PROM1: variants seen among roughly 807,000 people sequenced by gnomAD.
PROM1 encodes prominin-1.
In PROM1, 105 loss-of-function variants were observed where a neutral mutation model predicts 116.9. That is an observed-to-expected ratio of 0.90 (90% CI 0.77 to 1.06). The LOEUF (loss-of-function observed/expected upper bound fraction) is 1.06. Among genes scored for constraint, PROM1 ranks in the 50% least tolerant of loss-of-function variants. PROM1 has a pLI of 0.00. For missense variants in PROM1, 1,122 were observed against 1,045.2 expected, an observed-to-expected ratio of 1.07 and a Z score of -1.01; for synonymous variants, 393 against 387.0, an observed-to-expected ratio of 1.02 and a Z score of -0.18.
At chr4:15,989,184 T>TA (rs1720299657) in intron 19 of PROM1, among the ~76,000 whole-genome samples, 1 of 152,040 alleles carries the variant, frequency 6.6e-6, no homozygotes, top group Non-Finnish European at 1.5e-5. Context: ...GAAGCAGAAT[T>TA]TAAAACCAGG....
intron 2 of PROM1, among the ~76,000 whole-genome samples, chr4:16,056,045 G>C (rs1738924677): frequency 6.6e-6 from 1 of 152,130 alleles, no homozygotes; most frequent in East Asian, 1.9e-4. Context: ...AGAGATTTGA[G>C]AAGAGAAGAG....
rs1238581487 is a variant in PROM1, at chr4:16,009,048, G to A, written c.1202C>T (p.Pro401Leu). Residue 401 changes from proline (P) to leucine (L), a missense_variant, in exon 12 of 28, where the codon CCT (proline) becomes CTT (leucine). Physicochemically the swap from Pro to Leu is moderately conservative, Grantham distance 98. Transcript: ENST00000447510. Reference sequence around the variant, plus strand: ...GAATGCTGAGAGTATATCCTGAATAGGAAGACGCTGAGTTACATTGTCGAT... The same window carrying A: ...GAATGCTGAGAGTATATCCTGAATAAGAAGACGCTGAGTTACATTGTCGAT... ...SDIDNVTQRLPIQDILSAFSV... is the reference protein window; with the variant it reads ...SDIDNVTQRLLIQDILSAFSV... The A allele has an allele frequency of 6.2e-7, 1 of 1,608,620 alleles. No individual in the cohort carries two copies. Among genetic ancestry groups the A allele is most frequent in the East Asian group, 2.2e-5 (1 of 44,862 alleles).
intron 1 of PROM1, chr4:16,083,119 G>T (rs1745348973): frequency 6.6e-6 from 1 of 152,546 alleles, no homozygotes; most frequent in Admixed American, 6.5e-5. Context: ...CGGCTGCACA[G>T]TGTTGGCCCA....
chr4:16,030,359 T>C (rs1416979769), intron 5 of PROM1, among the ~76,000 whole-genome samples: 1 of 152,246 alleles, frequency 6.6e-6, no homozygotes, highest in Non-Finnish European at 1.5e-5. Context: ...CAATCTCAGT[T>C]GATCAATTTT....
At chr4:16,005,593 A>G (rs886840876) in intron 13 of PROM1, among the ~76,000 whole-genome samples, 6 of 151,758 alleles carry the variant, frequency 4.0e-5, no homozygotes, top group African/African-American at 1.5e-4. Flanking sequence ...AATCAAATTA[A>G]TGTACAGCAT....
At chr4:16,076,181 G>A in intron 1 of PROM1, 63 bp from the exon 2 acceptor site, 1 of 491,542 alleles carries the variant, frequency 2.0e-6, no homozygotes, top group Non-Finnish European at 3.4e-6. Flanking sequence ...ACCTGGAGCT[G>A]CCCGGAGAGG....
chr4:16,066,252 C>A (rs541399803), intron 2 of PROM1, among the ~76,000 whole-genome samples: 2,173 of 152,288 alleles, frequency 0.014, 59 homozygotes, highest in African/African-American at 0.049. Context: ...TTGTCCATGT[C>A]ATCACCAAGA....
chr4:16,035,142 G>A (rs1204021300), intron 4 of PROM1, among the ~76,000 whole-genome samples: 3 of 152,118 alleles, frequency 2.0e-5, no homozygotes, highest in African/African-American at 4.8e-5. Context: ...CCATGTCCAC[G>A]AAGAGGCATT....
rs993866138 is a variant in PROM1, at chr4:16,033,336, T to C, written c.477A>G (p.Ala159=). 37 of 1,613,896 alleles carry C rather than the reference T, an allele frequency of 2.3e-5. No homozygotes were observed. Among genetic ancestry groups the C allele is most frequent in the Non-Finnish European group, 2.7e-5 (32 of 1,179,822 alleles). Residue 159 remains alanine, a synonymous_variant, in exon 5 of 28, where the codon GCA becomes GCG. Coordinates refer to ENST00000447510, the MANE Select transcript of PROM1 (RefSeq NM_006017.3). The part of the protein sequence containing the change: ...ENGPFLRKCF[A]ISLLVICIII... ...TTATACAAATCACCAACAGGGAGAT[T>C]GCAAAGCATTTCCTCAGGAAGGGCC...
rs532125484 is a variant in PROM1, at chr4:15,984,271, C to T, written c.2365G>A (p.Asp789Asn). Reference sequence around the variant, plus strand: ...GAAAGATGAAATCTTACCAAGGGGTCGATAATGTAGCTACACAGAAAGACA... The same window carrying T: ...GAAAGATGAAATCTTACCAAGGGGTTGATAATGTAGCTACACAGAAAGACA... ...VDVFLCSYIIDPLNLFWFGIG... is the reference protein window; with the variant it reads ...VDVFLCSYIINPLNLFWFGIG... Residue 789 changes from aspartate to asparagine, a missense_variant, in exon 23 of 28, where the codon GAC (aspartate) becomes AAC (asparagine). By Grantham distance (23) the Asp-to-Asn change is conservative. Transcript: ENST00000447510. 32 of 1,597,368 alleles carry T rather than the reference C, an allele frequency of 2.0e-5. No homozygotes were observed. Among genetic ancestry groups the T allele is most frequent in the African/African-American group, 2.7e-5 (2 of 74,718 alleles).
intron 2 of PROM1, among the ~76,000 whole-genome samples, chr4:16,075,288 C>T (rs1448598963): frequency 6.6e-6 from 1 of 152,124 alleles, no homozygotes; most frequent in East Asian, 1.9e-4. Context: ...AATTTTTAAG[C>T]GATGAGGTGG....
chr4:16,004,190 T>C (rs551284927), intron 13 of PROM1, among the ~76,000 whole-genome samples: 54 of 152,280 alleles, frequency 3.5e-4, no homozygotes, highest in Admixed American at 9.2e-4. Context: ...TGCTGACTGG[T>C]TGCATTCAAC....
At chr4:16,078,923 A>G (rs746179682) in intron 1 of PROM1, among the ~76,000 whole-genome samples, 1 of 152,156 alleles carries the variant, frequency 6.6e-6, no homozygotes, top group Non-Finnish European at 1.5e-5. Context: ...TTGTCAAATC[A>G]TGGGCTGCTC....
chr4:15,998,534 A>G (rs1028621206), intron 14 of PROM1, 46 bp from the exon 15 acceptor site: 3 of 1,462,786 alleles, frequency 2.1e-6, no homozygotes, highest in African/African-American at 2.9e-5. Context: ...TTTTACACTA[A>G]CATACATACT....
intron 12 of PROM1, 115 bp downstream of exon 12, chr4:16,008,834 T>C (rs1726151405): frequency 4.0e-6 from 4 of 1,010,546 alleles, no homozygotes; most frequent in South Asian, 1.7e-5. Flanking sequence ...TATCAGGTCA[T>C]GGCCTCCTTG....
chr4:16,053,174 T>C (rs1481734026), intron 2 of PROM1, among the ~76,000 whole-genome samples: 1 of 152,222 alleles, frequency 6.6e-6, no homozygotes, highest in Admixed American at 6.5e-5. Flanking sequence ...TGTGGCAAAA[T>C]ATTAACAACT....
intron 15 of PROM1, among the ~76,000 whole-genome samples, chr4:15,994,642 C>T (rs1163156234): frequency 6.6e-6 from 1 of 152,124 alleles, no homozygotes; most frequent in Non-Finnish European, 1.5e-5. Flanking sequence ...ATGGCCTCAC[C>T]TCACCATGCC....
Position 16,039,003 on chromosome 4 carries a change from T to C in PROM1, c.221-2A>G. The C allele has an allele frequency of 2.0e-6, 3 of 1,489,768 alleles. No homozygotes were observed. The highest frequency in any genetic ancestry group is 2.7e-6 in the Non-Finnish European group (3 of 1,118,912). The allele number at this position is 1,489,768 out of a possible 1,614,324, so 92.3% of individuals were successfully genotyped here. A position where few individuals can be genotyped will look rare whatever the true frequency, so the allele number is the denominator to read the frequency against. Reference sequence around the variant, plus strand: ...TCTGTAAGAATTTTCTCAAAGTATCTGGAAAAAAAGCCACAAAATAGCAAT... The same window carrying C: ...TCTGTAAGAATTTTCTCAAAGTATCCGGAAAAAAAGCCACAAAATAGCAAT... On this transcript the variant is annotated splice_acceptor_variant, in intron 2 of 27. Transcript: ENST00000447510. LOFTEE classifies it high-confidence loss of function.
At chr4:15,979,372 T>C (rs1717140929) in intron 26 of PROM1, 23 bp downstream of exon 26, 1 of 1,613,752 alleles carries the variant, frequency 6.2e-7, no homozygotes, top group Non-Finnish European at 8.5e-7. Flanking sequence ...AGGGCGGGCA[T>C]GCACTTCCAG....
Sources: gnomAD v4.1 joint callset for allele counts (sites outside exome capture counted in the v4.1 genomes callset) on GRCh38, gnomAD v4.1.1 for gene constraint, MANE v1.5 for transcripts, NCBI Gene and HGNC (gene_info 2026-07-23, HGNC 2026-07-21) for gene names.